BTRC: variants seen among roughly 807,000 people sequenced by gnomAD.
BTRC encodes beta-transducin repeat containing E3 ubiquitin protein ligase.
BTRC carries 42 observed loss-of-function variants against 85.5 expected under a neutral mutation model. The ratio of observed to expected loss-of-function variants is 0.49; its 90% CI spans 0.38 to 0.64. The LOEUF (loss-of-function observed/expected upper bound fraction) is 0.64. BTRC is among the 30% of genes least tolerant of loss of function. The pLI is 0.00. For missense variants in BTRC, 594 were observed against 743.5 expected (o/e 0.80, Z 2.34); for synonymous variants, 255 against 263.3 (o/e 0.97, Z 0.30).
intron 1 of BTRC, among the ~76,000 whole-genome samples, chr10:101,395,256 A>T (rs1375237823): frequency 2.0e-5 from 3 of 152,244 alleles, no homozygotes; most frequent in Middle Eastern, 3.4e-3. Context: ...ATTTCAACCC[A>T]TTCCGTTGGT....
At chr10:101,517,974 G>A (rs1023449272) in intron 4 of BTRC, among the ~76,000 whole-genome samples, 11 of 148,226 alleles carry the variant, frequency 7.4e-5, no homozygotes, top group Non-Finnish European at 1.6e-4. Context: ...GTGCAGTGGC[G>A]GGATCTCGGC....
chr10:101,511,994 T>C (rs2061962467), intron 4 of BTRC, among the ~76,000 whole-genome samples: 1 of 152,224 alleles, frequency 6.6e-6, no homozygotes, highest in African/African-American at 2.4e-5. Context: ...TTCACAATCC[T>C]TACTGGTTTG....
intron 1 of BTRC, among the ~76,000 whole-genome samples, chr10:101,421,379 A>G (rs549620058): frequency 1.5e-4 from 23 of 152,136 alleles, no homozygotes; most frequent in Non-Finnish European, 2.9e-4. Context: ...ACTATTCTAG[A>G]TAGTCAGAAT....
intron 3 of BTRC, among the ~76,000 whole-genome samples, chr10:101,478,867 A>T (rs4301726): frequency 0.58 from 86,677 of 148,170 alleles, 26,027 homozygotes; most frequent in East Asian, 0.86. Flanking sequence ...TGAACCCCGG[A>T]GGCGGAGGTT....
At chr10:101,419,710 A>C (rs1335918849) in intron 1 of BTRC, among the ~76,000 whole-genome samples, 2 of 152,202 alleles carry the variant, frequency 1.3e-5, no homozygotes, top group African/African-American at 4.8e-5. Context: ...ATGCATACCA[A>C]GCGGTGGGAA....
At chr10:101,432,792 T>C (rs1224342952) in intron 2 of BTRC, among the ~76,000 whole-genome samples, 1 of 152,178 alleles carries the variant, frequency 6.6e-6, no homozygotes, top group Non-Finnish European at 1.5e-5. Flanking sequence ...ATTGTAGAAC[T>C]TCCTGTCATC....
intron 1 of BTRC, among the ~76,000 whole-genome samples, chr10:101,381,692 G>A (rs118046259): frequency 1.3e-4 from 20 of 152,122 alleles, no homozygotes; most frequent in Non-Finnish European, 2.5e-4. Context: ...AGAAACACAC[G>A]ATGATAACTC....
At chr10:101,480,472 G>A (rs998952779) in intron 4 of BTRC, among the ~76,000 whole-genome samples, 1 of 152,190 alleles carries the variant, frequency 6.6e-6, no homozygotes, top group Admixed American at 6.5e-5. Context: ...TGTCTGGTGA[G>A]GGCTTGCTCT....
chr10:101,527,819 C>CACAA, intron 6 of BTRC, among the ~76,000 whole-genome samples: 1 of 151,558 alleles, frequency 6.6e-6, no homozygotes, highest in Non-Finnish European at 1.5e-5. Flanking sequence ...CACACACACA[C>CACAA]AAAAGAATAT....
At chr10:101,527,989 T>G (rs2062224096) in intron 6 of BTRC, among the ~76,000 whole-genome samples, 2 of 152,184 alleles carry the variant, frequency 1.3e-5, no homozygotes, top group Non-Finnish European at 2.9e-5. Flanking sequence ...ATCATTTTGC[T>G]AAGAGTGCTG....
chr10:101,354,857 G>A (rs1312301174), intron 1 of BTRC, among the ~76,000 whole-genome samples: 1 of 152,122 alleles, frequency 6.6e-6, no homozygotes, highest in Non-Finnish European at 1.5e-5. Flanking sequence ...AAGGGAAGAG[G>A]CCTCACTAAA....
At chr10:101,378,449 T>G (rs1411827461) in intron 1 of BTRC, among the ~76,000 whole-genome samples, 5 of 152,132 alleles carry the variant, frequency 3.3e-5, no homozygotes, top group Non-Finnish European at 7.4e-5. Context: ...ATCTTTGTTT[T>G]GGTGGTGTTA....
At chr10:101,413,037 A>C (rs1564755595) in intron 1 of BTRC, among the ~76,000 whole-genome samples, 1 of 152,252 alleles carries the variant, frequency 6.6e-6, no homozygotes, top group Non-Finnish European at 1.5e-5. Context: ...CACTGTCACC[A>C]TTTGATAGAC....
chr10:101,519,650 A>C (rs553410319), intron 4 of BTRC, among the ~76,000 whole-genome samples: 1 of 152,198 alleles, frequency 6.6e-6, no homozygotes, highest in Non-Finnish European at 1.5e-5. Flanking sequence ...AGCAATACCT[A>C]CATTACTGTT....
intron 13 of BTRC, among the ~76,000 whole-genome samples, chr10:101,547,336 T>C (rs973312145): frequency 7.2e-6 from 1 of 138,020 alleles, no homozygotes; most frequent in African/African-American, 2.7e-5. Context: ...TTCTTTTTTT[T>C]TTTTTTTTTT....
chr10:101,453,671 T>A (rs1472271949), intron 2 of BTRC: 2 of 152,212 alleles, frequency 1.3e-5, no homozygotes, highest in Non-Finnish European at 2.9e-5. Context: ...TGTGTTCAAA[T>A]AGATAACTGA....
At chr10:101,548,985 G>A (rs542283675) in intron 13 of BTRC, among the ~76,000 whole-genome samples, 3 of 151,488 alleles carry the variant, frequency 2.0e-5, no homozygotes, top group South Asian at 2.1e-4. Context: ...CCCAGGAGGC[G>A]GAGGTTGCAG....
At position 101,412,953 on chromosome 10, in the gene BTRC, A is replaced by T. The variant is rs1305689309; in HGVS notation, c.49-17392A>T. 4.6e-5 allele frequency among the ~76,000 whole-genome samples: 7 copies of T among 152,232 alleles called. No individual in the cohort carries two copies. In the East Asian group the frequency reaches 1.3e-3, roughly 29 times the overall value. ...ATATGAAACAAAGTAACAAAAAATG[A>T]TAACCCTTTCATTGAAATTTGAGAG... On this transcript the variant is annotated intron_variant, in intron 1 of 14. Coordinates refer to ENST00000370187, the MANE Select transcript of BTRC (RefSeq NM_033637.4).
At chr10:101,377,043 G>T (rs745579743) in intron 1 of BTRC, among the ~76,000 whole-genome samples, 1 of 152,032 alleles carries the variant, frequency 6.6e-6, no homozygotes, top group Admixed American at 6.6e-5. Context: ...AAGAACAATT[G>T]TATCACTCCC....
Sources: allele counts gnomAD v4.1 joint callset (sites outside exome capture counted in the v4.1 genomes callset), GRCh38; gene constraint gnomAD v4.1.1; transcripts MANE v1.5; gene names NCBI Gene and HGNC (gene_info 2026-07-23, HGNC 2026-07-21).